MICAL2: variants seen among roughly 807,000 people sequenced by gnomAD.
MICAL2 encodes [F-actin]-monooxygenase MICAL2.
Under a neutral mutation model 127.3 loss-of-function variants are expected in MICAL2, and 77 were observed. That is an observed-to-expected ratio of 0.60 (90% CI 0.50 to 0.73). MICAL2 has a LOEUF of 0.73. MICAL2 is among the 30% of genes least tolerant of loss of function. The pLI is 0.00. For synonymous variants in MICAL2, 570 were observed against 551.1 expected (o/e 1.03, Z -0.48); for missense variants, 1,351 against 1,434.4 (o/e 0.94, Z 0.94).
chr11:12,292,064 G>A, downstream of MICAL2: 2 of 1,484,740 alleles, frequency 1.3e-6, no homozygotes, highest in East Asian at 2.3e-5. Context: ...TATAGAATTG[G>A]AGCTTCACTT....
intron 3 of MICAL2, among the ~76,000 whole-genome samples, chr11:12,177,627 A>G (rs905458022): frequency 1.3e-5 from 2 of 152,160 alleles, no homozygotes; most frequent in African/African-American, 4.8e-5. Context: ...TTTTAGTTTC[A>G]GCTCTTTCAA....
intron 11 of MICAL2, among the ~76,000 whole-genome samples, chr11:12,223,026 CAAAT>C (rs1312663197): frequency 6.6e-6 from 1 of 152,210 alleles, no homozygotes; most frequent in East Asian, 1.9e-4. Flanking sequence ...TTACCTGTCT[CAAAT>C]AAGCTACTTG....
Position 12,249,179 on chromosome 11 carries a change from TA to T in MICAL2, c.2785-2del, listed in dbSNP as rs781736181. 3 of 1,613,852 alleles carry T rather than the reference TA, an allele frequency of 1.9e-6. No individual in the cohort carries two copies. The highest frequency in any genetic ancestry group is 1.1e-5 in the South Asian group (1 of 91,032). Reference sequence around the variant, plus strand: ...AAATGCATGTTGATCCCTCTCTTTCTAAAGGAAAAGAAGTCACCTTCAGGGT... The same window carrying T: ...AAATGCATGTTGATCCCTCTCTTTCTAAGGAAAAGAAGTCACCTTCAGGGT... On this transcript the variant is annotated splice_polypyrimidine_tract_variant and splice_region_variant and intron_variant, in intron 21 of 27. Coordinates refer to ENST00000683283, the MANE Select transcript of MICAL2 (RefSeq NM_001282663.2).
At chr11:12,120,886 G>T (rs1349908375) in intron 1 of MICAL2, among the ~76,000 whole-genome samples, 2 of 152,218 alleles carry the variant, frequency 1.3e-5, no homozygotes, top group African/African-American at 4.8e-5. Flanking sequence ...TCCGTTCACG[G>T]GAGGTGCACA....
intron 29 of MICAL2, among the ~76,000 whole-genome samples, chr11:12,316,987 C>G (rs1864239469): frequency 6.6e-6 from 1 of 152,150 alleles, no homozygotes; most frequent in Non-Finnish European, 1.5e-5. Flanking sequence ...TCTCTCAGTC[C>G]TAAAGAAGCT....
chr11:12,223,492 T>C lies in MICAL2; in HGVS notation c.1531T>C (p.Ser511Pro), dbSNP rs753873273. Residue 511 changes from serine (S) to proline (P), a missense_variant, in exon 12 of 28, where the codon TCC (serine) becomes CCC (proline). Ser to Pro is a moderately conservative substitution (Grantham distance 74). Coordinates refer to ENST00000683283, the MANE Select transcript of MICAL2 (RefSeq NM_001282663.2). ...CTCGGTGAGGAGATCTGTCAACCTC[T>C]CCAGGAAGGGTAAGCGGCCCTCCTG... ...LGSVRRSVNL[S>P]RKESDIRPSK... 6.2e-7 allele frequency: 1 copy of C among 1,613,794 alleles called. No individual in the cohort carries two copies. Among genetic ancestry groups the C allele is most frequent in the Admixed American group, 1.7e-5 (1 of 60,006 alleles).
downstream of MICAL2, chr11:12,294,849 G>C (rs1173342079): frequency 7.6e-7 from 1 of 1,320,670 alleles, no homozygotes; most frequent in Non-Finnish European, 9.7e-7. Context: ...CCTACAGCGG[G>C]AGGTGCAGGT....
chr11:12,137,021 C>G (rs1851894293), intron 1 of MICAL2, among the ~76,000 whole-genome samples: 1 of 152,226 alleles, frequency 6.6e-6, no homozygotes, highest in Non-Finnish European at 1.5e-5. Flanking sequence ...TCCCCACCCA[C>G]AGATCCCAGA....
At chr11:12,275,784 T>TA (rs554262915), upstream of MICAL2, among the ~76,000 whole-genome samples, 16 of 152,276 alleles carry the variant, frequency 1.1e-4, no homozygotes, top group South Asian at 3.1e-3. Context: ...ATTCACGCCC[T>TA]ACATGTGGGA....
chr11:12,339,886 G>A (rs1043173440), intron 32 of MICAL2, among the ~76,000 whole-genome samples: 47 of 152,130 alleles, frequency 3.1e-4, no homozygotes, highest in Non-Finnish European at 5.9e-4. Flanking sequence ...TAGGCTACTC[G>A]GGGGTCAGGG....
rs568334989 is a variant in MICAL2 at position 12,232,318 on chromosome 11, A to G, written c.1996-3859A>G. On this transcript the variant is annotated intron_variant, in intron 15 of 27. Coordinates refer to ENST00000683283, the MANE Select transcript of MICAL2 (RefSeq NM_001282663.2). Reference sequence around the variant, plus strand: ...TCACCTTTGGAGGAAGGCTGGGAACATATTTTCATGCCAGTTTTTAGATGA... The same window carrying G: ...TCACCTTTGGAGGAAGGCTGGGAACGTATTTTCATGCCAGTTTTTAGATGA... Among the ~76,000 whole-genome samples the G allele has an allele frequency of 6.6e-5, 10 of 152,344 alleles. No homozygotes were observed. The South Asian group carries it at 2.1e-3, about 32-fold the overall frequency.
At chr11:12,283,008 A>C (rs1002209503) in intron 2 of MICAL2, among the ~76,000 whole-genome samples, 1 of 152,222 alleles carries the variant, frequency 6.6e-6, no homozygotes, top group Non-Finnish European at 1.5e-5. Flanking sequence ...TTAACGCCAG[A>C]ATAAAATACA....
chr11:12,273,406 G>T (rs1237595247), upstream of MICAL2, among the ~76,000 whole-genome samples: 1 of 152,102 alleles, frequency 6.6e-6, no homozygotes, highest in East Asian at 1.9e-4. Context: ...ATGTAGTGAA[G>T]CATCTGACTA....
chr11:12,221,619 G>A (rs755797978), intron 9 of MICAL2, 25 bp from the exon 10 acceptor site: 17 of 1,549,308 alleles, frequency 1.1e-5, no homozygotes, highest in Non-Finnish European at 1.4e-5. Flanking sequence ...GAATCAACTG[G>A]AATTTTGCAC....
chr11:12,216,910 GA>G (rs1358510015), intron 8 of MICAL2, among the ~76,000 whole-genome samples: 2 of 152,174 alleles, frequency 1.3e-5, no homozygotes, highest in African/African-American at 4.8e-5. Flanking sequence ...GATATATATA[GA>G]GCACCTGGCA....
chr11:12,288,450 A>G (rs528036007), downstream of MICAL2, among the ~76,000 whole-genome samples: 2 of 152,242 alleles, frequency 1.3e-5, no homozygotes, highest in South Asian at 2.1e-4. Flanking sequence ...GACCCTCCCA[A>G]TAGGGCTGGG....
intron 29 of MICAL2, among the ~76,000 whole-genome samples, chr11:12,302,129 G>A (rs1278112564): frequency 6.6e-6 from 1 of 152,162 alleles, no homozygotes; most frequent in Non-Finnish European, 1.5e-5. Context: ...GTTTGTTTAA[G>A]CCTTTTAATG....
downstream of MICAL2, chr11:12,294,390 A>G: frequency 2.5e-6 from 4 of 1,614,192 alleles, no homozygotes; most frequent in Non-Finnish European, 3.4e-6. Flanking sequence ...ACCAATTCCA[A>G]TAAAGACGGG....
At chr11:12,168,200 C>A (rs1375986349) in intron 3 of MICAL2, among the ~76,000 whole-genome samples, 1 of 149,586 alleles carries the variant, frequency 6.7e-6, no homozygotes, top group African/African-American at 2.5e-5. Context: ...CATACACATA[C>A]AGTTAGTCAC....
Sources: allele counts gnomAD v4.1 joint callset (sites outside exome capture counted in the v4.1 genomes callset), GRCh38; gene constraint gnomAD v4.1.1; transcripts MANE v1.5; gene names NCBI Gene and HGNC (gene_info 2026-07-23, HGNC 2026-07-21).